SNRPA1: variants seen among roughly 807,000 people sequenced by gnomAD.
SNRPA1 encodes the protein U2 small nuclear ribonucleoprotein A'.
SNRPA1 carries 5 observed loss-of-function variants against 32.3 expected under a neutral mutation model. The ratio of observed to expected loss-of-function variants is 0.15; its 90% CI spans 0.08 to 0.33. SNRPA1 has a LOEUF of 0.33. Ranked by LOEUF, SNRPA1 falls within the 10% of genes least tolerant of loss-of-function variation. SNRPA1 has a pLI of 1.00. For missense variants in SNRPA1, 198 were observed against 311.1 expected, an observed-to-expected ratio of 0.64 and a Z score of 2.74; for synonymous variants, 111 against 120.1, an observed-to-expected ratio of 0.92 and a Z score of 0.50.
chr15:101,291,920 T>A (rs760861122), intron 3 of SNRPA1, 42 bp downstream of exon 3: 1 of 1,321,718 alleles, frequency 7.6e-7, no homozygotes, highest in East Asian at 2.3e-5. Flanking sequence ...ATAGTACCTT[T>A]AACCCCACCC....
chr15:101,294,598 A>G (rs896121723), intron 1 of SNRPA1, among the ~76,000 whole-genome samples: 4 of 152,246 alleles, frequency 2.6e-5, no homozygotes, highest in Non-Finnish European at 5.9e-5. Context: ...CCAGACAATT[A>G]AAGCTACTAA....
chr15:101,286,145 G>A (rs1391954033), intron 6 of SNRPA1, 69 bp downstream of exon 6: 17 of 1,338,764 alleles, frequency 1.3e-5, no homozygotes, highest in Middle Eastern at 2.2e-4. Flanking sequence ...TGTAGGAGAC[G>A]AACTGCCAGA....
intron 3 of SNRPA1, 42 bp downstream of exon 3, chr15:101,291,920 T>C: frequency 1.5e-6 from 2 of 1,321,718 alleles, no homozygotes; most frequent in African/African-American, 1.4e-5. Context: ...ATAGTACCTT[T>C]AACCCCACCC....
chr15:101,281,697 C>T lies in SNRPA1; in HGVS notation c.*27G>A. 1.9e-6 allele frequency: 3 copies of T among 1,539,502 alleles called. No individual in the cohort carries two copies. Among genetic ancestry groups the T allele is most frequent in the Non-Finnish European group, 2.7e-6 (3 of 1,111,898 alleles). On this transcript the variant is annotated 3_prime_UTR_variant, in exon 9 of 9. Coordinates refer to ENST00000254193, the MANE Select transcript of SNRPA1 (RefSeq NM_003090.4). The stretch of plus-strand genomic sequence containing the variant: ...AAAAGCAAGACTTGTTCCAAGAGGG[C>T]CTATTATTATACATCTGCCTCACTG...
intron 5 of SNRPA1, 190 bp from the exon 6 acceptor site, chr15:101,286,483 A>C: frequency 1.9e-6 from 1 of 531,154 alleles, no homozygotes; most frequent in Non-Finnish European, 3.3e-6. Context: ...AAGAAAGTTC[A>C]TTCTCCTAGC....
chr15:101,290,740 ATTTT>A (rs766825971), intron 3 of SNRPA1, among the ~76,000 whole-genome samples: 1 of 118,570 alleles, frequency 8.4e-6, no homozygotes, highest in Non-Finnish European at 1.8e-5. Flanking sequence ...CACTTTTGGC[ATTTT>A]TTTTTTTTTT....
intron 8 of SNRPA1, among the ~76,000 whole-genome samples, chr15:101,283,864 C>T (rs193221222): frequency 6.6e-5 from 10 of 152,324 alleles, no homozygotes; most frequent in Admixed American, 3.3e-4. Context: ...CGCTTGAACC[C>T]GGGAGGCGGA....
At chr15:101,284,759 C>T in intron 8 of SNRPA1, 5 of 415,890 alleles carry the variant, frequency 1.2e-5, no homozygotes, top group South Asian at 1.1e-4. Context: ...GCCTCAGGCT[C>T]CCAAAGTGCT....
At chr15:101,286,106 A>G (rs1381477654) in intron 6 of SNRPA1, 108 bp downstream of exon 6, 1 of 881,656 alleles carries the variant, frequency 1.1e-6, no homozygotes, top group East Asian at 2.6e-5. Flanking sequence ...TTAATACCAC[A>G]TTAATATGTC....
chr15:101,287,110 TCA>T lies in SNRPA1; in HGVS notation c.357-102_357-101del, dbSNP rs2039463823. On this transcript the variant is annotated intron_variant, in intron 4 of 8. Transcript: ENST00000254193. ...AGGAACCTATAAATCAAGGGAACAT[TCA>T]CATTCTTCACATTGCAACATTGTAA... 5.4e-6 allele frequency: 3 copies of T among 558,440 alleles called. No homozygotes were observed. The African/African-American group carries it at 5.7e-5, about 11-fold the overall frequency. 34.6% of individuals were successfully genotyped at this position (558,440 alleles called of 1,614,324 possible). A position where few individuals can be genotyped will look rare whatever the true frequency, so the allele number is the denominator to read the frequency against.
intron 5 of SNRPA1, 194 bp downstream of exon 5, chr15:101,286,714 G>A (rs28698071): frequency 0.39 from 203,588 of 523,278 alleles, 43,126 homozygotes; most frequent in African/African-American, 0.7. Context: ...CATTACATAA[G>A]AGAGCTCCAA....
chr15:101,286,457 T>G, intron 5 of SNRPA1, 164 bp from the exon 6 acceptor site: 1 of 561,146 alleles, frequency 1.8e-6, no homozygotes, highest in Non-Finnish European at 3.1e-6. Flanking sequence ...TCTTCTTTCT[T>G]TGGTAGAGCT....
chr15:101,291,919 TTAACCCCA>T, intron 3 of SNRPA1, 35 bp downstream of exon 3: 1 of 1,318,174 alleles, frequency 7.6e-7, no homozygotes, highest in Non-Finnish European at 1.1e-6. Flanking sequence ...CATAGTACCT[TTAACCCCA>T]CCCACCAAAT....
intron 1 of SNRPA1, 62 bp downstream of exon 1, chr15:101,295,035 G>A: frequency 8.7e-7 from 1 of 1,154,314 alleles, no homozygotes; most frequent in Non-Finnish European, 1.2e-6. Flanking sequence ...ACGCGGCAAA[G>A]CGCGGAAAAT....
intron 8 of SNRPA1, among the ~76,000 whole-genome samples, chr15:101,283,805 T>A (rs1301763032): frequency 6.6e-6 from 1 of 152,066 alleles, no homozygotes; most frequent in Non-Finnish European, 1.5e-5. Context: ...CCGGGCACGG[T>A]AGCAGGTGCC....
In SNRPA1 at chr15:101,285,073, G is replaced by C. The variant is rs774608731; in HGVS notation, c.616-13C>G. On this transcript the variant is annotated splice_polypyrimidine_tract_variant and intron_variant, in intron 7 of 8. Transcript: ENST00000254193. The stretch of plus-strand genomic sequence containing the variant: ...TTGCTATGGCATTCTGGAGGACAGA[G>C]GGCAATGGAGATGGATGATTAACTT... 1 of 1,594,166 alleles carries C rather than the reference G, an allele frequency of 6.3e-7. No homozygotes were observed. The highest frequency in any genetic ancestry group is 1.3e-5 in the African/African-American group (1 of 74,564).
intron 1 of SNRPA1, 23 bp downstream of exon 1, chr15:101,295,074 G>A: frequency 1.4e-6 from 2 of 1,434,164 alleles, no homozygotes; most frequent in South Asian, 1.3e-5. Context: ...CTGGGGACTG[G>A]CCGCCCACGC....
Position 101,281,671 on chromosome 15 carries a change from G to A in SNRPA1, c.*53C>T, listed in dbSNP as rs923320098. The A allele has an allele frequency of 2.0e-5, 28 of 1,409,886 alleles. No individual in the cohort carries two copies. In the South Asian group the frequency reaches 2.9e-4, roughly 14 times the overall value. The allele number at this position is 1,409,886 out of a possible 1,614,324, so 87.3% of individuals were successfully genotyped here. ...CAAACAAGGCTATTATACCATGTTC[G>A]AAAAGCAAGACTTGTTCCAAGAGGG... On this transcript the variant is annotated 3_prime_UTR_variant, in exon 9 of 9. Transcript: ENST00000254193.
intron 4 of SNRPA1, among the ~76,000 whole-genome samples, chr15:101,287,420 T>A (rs1397186877): frequency 6.6e-6 from 1 of 151,272 alleles, no homozygotes; most frequent in Non-Finnish European, 1.5e-5. Context: ...CACCTACGAG[T>A]GAGAACATGG....
Sources: allele counts gnomAD v4.1 joint callset (sites outside exome capture counted in the v4.1 genomes callset), GRCh38; gene constraint gnomAD v4.1.1; transcripts MANE v1.5; gene names NCBI Gene and HGNC (gene_info 2026-07-23, HGNC 2026-07-21).